Variants in ANAPC10 observed in about 807,000 individuals in gnomAD.
ANAPC10 encodes the protein anaphase-promoting complex subunit 10.
A neutral mutation model predicts 22.0 loss-of-function variants in ANAPC10; 12 were observed. That is an observed-to-expected ratio of 0.55 (90% CI 0.35 to 0.88). The LOEUF (loss-of-function observed/expected upper bound fraction) is 0.88, where lower values mean the gene tolerates loss of function less well. Among genes scored for constraint, ANAPC10 ranks in the 40% least tolerant of loss-of-function variants. ANAPC10 has a pLI of 0.01. For synonymous variants in ANAPC10, 65 were observed against 69.5 expected, an observed-to-expected ratio of 0.94 and a Z score of 0.32; for missense variants, 188 against 220.9, an observed-to-expected ratio of 0.85 and a Z score of 0.94.
intron 4 of ANAPC10, among the ~76,000 whole-genome samples, chr4:144,996,549 T>C (rs918269086): frequency 6.6e-6 from 1 of 152,124 alleles, no homozygotes; most frequent in African/African-American, 2.4e-5. Context: ...TTCTTGTCCA[T>C]GCTGCTTGCC....
intron 4 of ANAPC10, among the ~76,000 whole-genome samples, chr4:145,007,763 A>C (rs1006883898): frequency 1.2e-4 from 19 of 152,166 alleles, no homozygotes; most frequent in Admixed American, 5.2e-4. Context: ...CACAATTAAA[A>C]GAACTAGAGA....
intron 4 of ANAPC10, among the ~76,000 whole-genome samples, chr4:145,059,851 T>C (rs1742622996): frequency 6.7e-6 from 1 of 149,468 alleles, no homozygotes; most frequent in South Asian, 2.1e-4. Context: ...CTCTAAATGA[T>C]AAAAAAAAAA....
At chr4:145,029,282 G>A (rs1737198319) in intron 4 of ANAPC10, among the ~76,000 whole-genome samples, 1 of 152,132 alleles carries the variant, frequency 6.6e-6, no homozygotes, top group Non-Finnish European at 1.5e-5. Context: ...TAAACCCTGT[G>A]CTGCCTGAAG....
At chr4:145,087,011 A>G (rs1043112765) in intron 2 of ANAPC10, among the ~76,000 whole-genome samples, 8 of 151,834 alleles carry the variant, frequency 5.3e-5, no homozygotes, top group African/African-American at 1.9e-4. Context: ...CAGTCAATAC[A>G]CTGTGACACA....
chr4:145,087,454 C>T (rs1217499040), intron 2 of ANAPC10, among the ~76,000 whole-genome samples: 4 of 151,996 alleles, frequency 2.6e-5, no homozygotes, highest in Non-Finnish European at 5.9e-5. Context: ...CCTCCTTAGG[C>T]TCTGCTAGGG....
intron 4 of ANAPC10, among the ~76,000 whole-genome samples, chr4:145,015,117 G>A (rs904181797): frequency 3.3e-5 from 5 of 152,006 alleles, no homozygotes; most frequent in Admixed American, 1.3e-4. Context: ...AAAGAATTTG[G>A]GAGGTTAGTT....
chr4:145,007,076 C>G (rs971318426), intron 4 of ANAPC10, among the ~76,000 whole-genome samples: 2 of 151,646 alleles, frequency 1.3e-5, no homozygotes, highest in African/African-American at 4.8e-5. Flanking sequence ...CTCCAGTGCA[C>G]AGGTCACAGC....
chr4:145,093,196 T>C (rs1049873204), intron 2 of ANAPC10, among the ~76,000 whole-genome samples: 1 of 152,168 alleles, frequency 6.6e-6, no homozygotes, highest in African/African-American at 2.4e-5. Context: ...GGAACTATTA[T>C]ATAGAAAAAT....
chr4:145,080,177 T>G (rs34422448), intron 3 of ANAPC10, among the ~76,000 whole-genome samples: 5 of 79,530 alleles, frequency 6.3e-5, no homozygotes, highest in Non-Finnish European at 1.1e-4. Context: ...TAGGGAACAA[T>G]AGACATGGGT....
Position 144,995,357 on chromosome 4 carries a change from TC to T in ANAPC10, c.*15del. 4 of 1,498,810 alleles carry T rather than the reference TC, an allele frequency of 2.7e-6. No individual in the cohort carries two copies. The highest frequency in any genetic ancestry group is 3.7e-6 in the Non-Finnish European group (4 of 1,081,264). The allele number at this position is 1,498,810 out of a possible 1,614,324, so 92.8% of individuals were successfully genotyped here. A position where few individuals can be genotyped will look rare whatever the true frequency, so the allele number is the denominator to read the frequency against. Reference sequence around the variant, plus strand: ...AAAACAAAGATACGTTTAATGATTTTCGTCTCATTTTAAAGTCACCTTATTG... The same window carrying T: ...AAAACAAAGATACGTTTAATGATTTTGTCTCATTTTAAAGTCACCTTATTG... On this transcript the variant is annotated 3_prime_UTR_variant, in exon 5 of 5. Transcript: ENST00000507656.
chr4:145,014,835 C>A (rs1734857314), intron 4 of ANAPC10, among the ~76,000 whole-genome samples: 1 of 152,110 alleles, frequency 6.6e-6, no homozygotes, highest in Non-Finnish European at 1.5e-5. Flanking sequence ...AGAAGAGAGA[C>A]AACAATCTCT....
At chr4:145,040,477 A>T (rs567564146) in intron 4 of ANAPC10, among the ~76,000 whole-genome samples, 1 of 152,236 alleles carries the variant, frequency 6.6e-6, no homozygotes, top group Non-Finnish European at 1.5e-5. Flanking sequence ...CTATAAAAAC[A>T]TAACAAATTT....
intron 3 of ANAPC10, among the ~76,000 whole-genome samples, chr4:145,072,011 A>AC (rs1744556508): frequency 6.6e-6 from 1 of 150,808 alleles, no homozygotes; most frequent in African/African-American, 2.5e-5. Context: ...AAAAAAACAC[A>AC]AAAAAAACAA....
At chr4:145,025,666 A>G (rs149049383) in intron 4 of ANAPC10, among the ~76,000 whole-genome samples, 1 of 152,300 alleles carries the variant, frequency 6.6e-6, no homozygotes, top group Admixed American at 6.5e-5. Context: ...ATATTGGTGA[A>G]AAAGTTTGAA....
intron 4 of ANAPC10, among the ~76,000 whole-genome samples, chr4:145,035,644 T>C (rs1738403191): frequency 6.6e-6 from 1 of 152,226 alleles, no homozygotes; most frequent in Non-Finnish European, 1.5e-5. Context: ...ACATGAATGA[T>C]TCCAGTTCAT....
At position 145,097,664 on chromosome 4, in the gene ANAPC10, A is replaced by C. The variant is rs1043449647; in HGVS notation, c.-13+456T>G. 7 of 580,012 alleles carry C rather than the reference A, an allele frequency of 1.2e-5. No individual in the cohort carries two copies. In the Admixed American group the frequency reaches 1.5e-4, roughly 12 times the overall value. 35.9% of individuals were successfully genotyped at this position (580,012 alleles called of 1,614,324 possible). A position where few individuals can be genotyped will look rare whatever the true frequency, so the allele number is the denominator to read the frequency against. ...AATGAATAAACAGATGAATAGGTTCAGTTATGAACTAGTTGTCACTTGCCT... is the reference window on the plus strand; with the variant it reads ...AATGAATAAACAGATGAATAGGTTCCGTTATGAACTAGTTGTCACTTGCCT... On this transcript the variant is annotated intron_variant, in intron 1 of 4. Transcript: ENST00000507656.
chr4:145,026,945 A>ATATATATGTGTGTG (rs1287102797), intron 4 of ANAPC10, among the ~76,000 whole-genome samples: 2 of 17,156 alleles, frequency 1.2e-4, no homozygotes, highest in African/African-American at 1.6e-4. Context: ...ATATATATAT[A>ATATATATGTGTGTG]TGTGTGTGTG....
chr4:145,020,998 A>G (rs1286421580), intron 4 of ANAPC10, among the ~76,000 whole-genome samples: 1 of 152,082 alleles, frequency 6.6e-6, no homozygotes, highest in African/African-American at 2.4e-5. Flanking sequence ...TGGTAGAATC[A>G]AAATTGTGAA....
chr4:145,047,028 G>A (rs1020719958), intron 4 of ANAPC10, among the ~76,000 whole-genome samples: 3 of 152,040 alleles, frequency 2.0e-5, no homozygotes, highest in Non-Finnish European at 4.4e-5. Flanking sequence ...TACATATTAG[G>A]TTCATGGTAG....
Sources: allele counts gnomAD v4.1 joint callset (sites outside exome capture counted in the v4.1 genomes callset), GRCh38; gene constraint gnomAD v4.1.1; transcripts MANE v1.5; gene names NCBI Gene and HGNC (gene_info 2026-07-23, HGNC 2026-07-21).